RPTOR: variants seen among roughly 807,000 people sequenced by gnomAD.
The protein encoded by RPTOR is regulatory associated protein of MTOR complex 1.
In RPTOR, 21 loss-of-function variants were observed where a neutral mutation model predicts 169.9. That is an observed-to-expected ratio of 0.12 (90% confidence interval 0.09 to 0.18). The LOEUF (loss-of-function observed/expected upper bound fraction) is 0.18, where lower values mean the gene tolerates loss of function less well. Ranked by LOEUF, RPTOR falls within the 10% of genes least tolerant of loss-of-function variation. The probability of loss-of-function intolerance (pLI) is 1.00; values close to 1 mark genes in which losing one functional copy is unlikely to be tolerated. For synonymous variants in RPTOR, 732 were observed against 753.2 expected, an observed-to-expected ratio of 0.97 and a Z score of 0.46; for missense variants, 1,133 against 1,855.9, an observed-to-expected ratio of 0.61 and a Z score of 7.16.
intron 6 of RPTOR, chr17:80,774,022 T>C: frequency 1.0e-6 from 1 of 985,458 alleles, no homozygotes; most frequent in Non-Finnish European, 1.2e-6. Flanking sequence ...CAGGCTTTAA[T>C]GTAAACCATC....
At chr17:80,790,336 G>GT (rs2067034544) in intron 6 of RPTOR, among the ~76,000 whole-genome samples, 1 of 152,218 alleles carries the variant, frequency 6.6e-6, no homozygotes, top group South Asian at 2.1e-4. Context: ...GCTGAGCCAG[G>GT]TATCACTTCT....
At chr17:80,699,017 C>T (rs760824169) in intron 3 of RPTOR, among the ~76,000 whole-genome samples, 8 of 152,326 alleles carry the variant, frequency 5.3e-5, no homozygotes, top group Admixed American at 1.3e-4. Context: ...AGCAGCAGAT[C>T]CCTTTGTCTG....
chr17:80,751,384 G>A (rs1050800550), intron 5 of RPTOR, among the ~76,000 whole-genome samples: 3 of 152,110 alleles, frequency 2.0e-5, no homozygotes, highest in African/African-American at 7.2e-5. Flanking sequence ...TCATCTTTGG[G>A]GACTCTGTGT....
At chr17:80,645,476 G>T (rs2065587874) in intron 3 of RPTOR, among the ~76,000 whole-genome samples, 7 of 152,168 alleles carry the variant, frequency 4.6e-5, no homozygotes, top group Admixed American at 4.6e-4. Flanking sequence ...AGAATTATTA[G>T]ATAAGGAAAT....
intron 13 of RPTOR, among the ~76,000 whole-genome samples, chr17:80,874,945 G>A (rs965602549): frequency 4.6e-5 from 7 of 152,200 alleles, no homozygotes; most frequent in African/African-American, 1.7e-4. Flanking sequence ...CTCTGTGATT[G>A]TCTCTGTGTT....
intron 1 of RPTOR, among the ~76,000 whole-genome samples, chr17:80,580,645 CAG>C (rs1239322630): frequency 6.6e-6 from 1 of 152,114 alleles, no homozygotes; most frequent in Non-Finnish European, 1.5e-5. Context: ...GTTTTGGAGA[CAG>C]GGTCCCACTC....
intron 1 of RPTOR, among the ~76,000 whole-genome samples, chr17:80,611,656 TA>T (rs1474891719): frequency 6.6e-6 from 1 of 152,036 alleles, no homozygotes; most frequent in Non-Finnish European, 1.5e-5. Flanking sequence ...ATAATACCAA[TA>T]TCACTCCTAA....
intron 6 of RPTOR, among the ~76,000 whole-genome samples, chr17:80,778,733 C>T (rs1407190785): frequency 6.6e-6 from 1 of 152,136 alleles, no homozygotes; most frequent in Non-Finnish European, 1.5e-5. Context: ...CGGGAGTTCA[C>T]CACTACCGTG....
At chr17:80,603,766 A>G (rs1253455029) in intron 1 of RPTOR, among the ~76,000 whole-genome samples, 1 of 152,260 alleles carries the variant, frequency 6.6e-6, no homozygotes, top group African/African-American at 2.4e-5. Flanking sequence ...AATACAAGGT[A>G]GTGAAATGTT....
chr17:80,787,856 C>G (rs2067009270), intron 6 of RPTOR, among the ~76,000 whole-genome samples: 1 of 152,122 alleles, frequency 6.6e-6, no homozygotes, highest in African/African-American at 2.4e-5. Context: ...ATTTTTAATG[C>G]TCTTGTGGAT....
At chr17:80,847,970 C>A (rs2067751033) in intron 11 of RPTOR, among the ~76,000 whole-genome samples, 2 of 152,264 alleles carry the variant, frequency 1.3e-5, no homozygotes, top group Non-Finnish European at 2.9e-5. Context: ...TCAGTCTGTG[C>A]TGCAGCAGTG....
intron 3 of RPTOR, among the ~76,000 whole-genome samples, chr17:80,683,104 C>T (rs575591644): frequency 1.3e-5 from 2 of 152,342 alleles, no homozygotes; most frequent in African/African-American, 2.4e-5. Flanking sequence ...CTCAGCTGAT[C>T]GAATTCATTT....
At chr17:80,564,932 G>C (rs185327350) in intron 1 of RPTOR, among the ~76,000 whole-genome samples, 2 of 152,080 alleles carry the variant, frequency 1.3e-5, no homozygotes, top group East Asian at 3.9e-4. Context: ...TTTTTGTGTG[G>C]CTGCATAGTA....
intron 4 of RPTOR, among the ~76,000 whole-genome samples, chr17:80,718,230 G>A (rs1350187114): frequency 2.0e-5 from 3 of 152,088 alleles, no homozygotes; most frequent in Non-Finnish European, 2.9e-5. Flanking sequence ...ATGTGGTTTT[G>A]CATTTTTGGT....
intron 1 of RPTOR, among the ~76,000 whole-genome samples, chr17:80,608,955 G>A (rs536411990): frequency 6.6e-6 from 1 of 152,144 alleles, no homozygotes; most frequent in Non-Finnish European, 1.5e-5. Flanking sequence ...TGAGAGTCGG[G>A]AATGAACAAT....
chr17:80,827,697 C>T (rs2067459606), intron 9 of RPTOR, among the ~76,000 whole-genome samples: 1 of 152,120 alleles, frequency 6.6e-6, no homozygotes, highest in Non-Finnish European at 1.5e-5. Context: ...AGAGTAAAGT[C>T]GCAGAGCCCA....
In RPTOR at chr17:80,545,553, C is replaced by A; in HGVS notation, c.-77C>A. The stretch of plus-strand genomic sequence containing the variant: ...GTTTTTGTTTCTTATTTCACCAATT[C>A]TGGTACACGCTAGTTTTTAAGGCTG... On this transcript the variant is annotated 5_prime_UTR_variant, in exon 1 of 34. It adds an upstream start codon to the 5' untranslated region. Coordinates refer to ENST00000306801, the MANE Select transcript of RPTOR (RefSeq NM_020761.3). 9.0e-7 allele frequency: 1 copy of A among 1,115,182 alleles called. No homozygotes were observed. Among genetic ancestry groups the A allele is most frequent in the Non-Finnish European group, 1.3e-6 (1 of 771,452 alleles). The allele number at this position is 1,115,182 out of a possible 1,614,324, so 69.1% of individuals were successfully genotyped here. A position where few individuals can be genotyped will look rare whatever the true frequency, so the allele number is the denominator to read the frequency against.
At chr17:80,785,911 G>C (rs2066986242) in intron 6 of RPTOR, among the ~76,000 whole-genome samples, 1 of 152,148 alleles carries the variant, frequency 6.6e-6, no homozygotes, top group Non-Finnish European at 1.5e-5. Flanking sequence ...GAGCAGGGGG[G>C]TGCCACACTC....
chr17:80,670,747 C>T lies in RPTOR; in HGVS notation c.348+26937C>T, dbSNP rs567683056. 3.2e-4 allele frequency among the ~76,000 whole-genome samples: 48 copies of T among 152,278 alleles called. No homozygotes were observed. The South Asian group carries it at 9.5e-3, about 30-fold the overall frequency. ...GCAGCACCTGGCGTTTGCCTGTAGA[C>T]GACACACAGTAGTTGTTGAATTTGT... On this transcript the variant is annotated intron_variant, in intron 3 of 33. Coordinates refer to ENST00000306801, the MANE Select transcript of RPTOR (RefSeq NM_020761.3).
Sources: allele counts gnomAD v4.1 joint callset (sites outside exome capture counted in the v4.1 genomes callset), GRCh38; gene constraint gnomAD v4.1.1; transcripts MANE v1.5; gene names NCBI Gene and HGNC (gene_info 2026-07-23, HGNC 2026-07-21).